XKR6: variants seen among roughly 807,000 people sequenced by gnomAD.
XKR6 encodes the protein XK-related protein 6.
A neutral mutation model predicts 56.7 loss-of-function variants in XKR6; 22 were observed. The ratio of observed to expected loss-of-function variants is 0.39; its 90% CI spans 0.28 to 0.55. The LOEUF (loss-of-function observed/expected upper bound fraction) is 0.55, where lower values mean the gene tolerates loss of function less well. XKR6 is among the 20% of genes least tolerant of loss of function. The probability of loss-of-function intolerance (pLI) is 0.66; values close to 1 mark genes in which losing one functional copy is unlikely to be tolerated. For synonymous variants in XKR6, 524 were observed against 387.8 expected, an observed-to-expected ratio of 1.35 and a Z score of -4.13; for missense variants, 852 against 889.0, an observed-to-expected ratio of 0.96 and a Z score of 0.53.
At chr8:10,999,349 T>C (rs1798188035) in intron 1 of XKR6, among the ~76,000 whole-genome samples, 1 of 152,262 alleles carries the variant, frequency 6.6e-6, no homozygotes, top group South Asian at 2.1e-4. Context: ...TAATATGGTG[T>C]TGAAAGAAAA....
At chr8:10,975,518 C>T (rs1253802443) in intron 1 of XKR6, among the ~76,000 whole-genome samples, 3 of 152,130 alleles carry the variant, frequency 2.0e-5, no homozygotes, top group East Asian at 1.9e-4. Context: ...CACCACCTGC[C>T]CTGGGCACAC....
At chr8:11,185,572 T>C (rs1370134385) in intron 1 of XKR6, among the ~76,000 whole-genome samples, 1 of 152,226 alleles carries the variant, frequency 6.6e-6, no homozygotes, top group East Asian at 1.9e-4. Context: ...CAGATGAGAA[T>C]CAGTAGTCAC....
rs551026966 is a variant in XKR6 at position 11,103,281 on chromosome 8, G to A, written c.764+97295C>T. On this transcript the variant is annotated intron_variant, in intron 1 of 2. Coordinates refer to ENST00000416569, the MANE Select transcript of XKR6 (RefSeq NM_173683.4). ...CACAGGAATTGCTTATGCTGGTAGT[G>A]TGAAAAGCAATGCTCCAACACCTGC... Among the ~76,000 whole-genome samples the A allele has an allele frequency of 1.4e-4, 21 of 152,310 alleles. 1 individual carries two copies. In the South Asian group the frequency reaches 4.4e-3, roughly 32 times the overall value.
At chr8:10,935,680 G>A (rs536023693) in intron 1 of XKR6, among the ~76,000 whole-genome samples, 17 of 151,566 alleles carry the variant, frequency 1.1e-4, no homozygotes, top group South Asian at 2.1e-4. Context: ...TCAGGAGCAC[G>A]TTGTTCAGTT....
intron 1 of XKR6, among the ~76,000 whole-genome samples, chr8:11,048,392 C>G (rs1468637118): frequency 6.6e-6 from 1 of 152,108 alleles, no homozygotes; most frequent in African/African-American, 2.4e-5. Flanking sequence ...GCCTTCTCTC[C>G]CCGCCCCGCC....
chr8:11,133,720 C>A (rs528527330), intron 1 of XKR6, among the ~76,000 whole-genome samples: 36 of 151,830 alleles, frequency 2.4e-4, no homozygotes, highest in Admixed American at 1.2e-3. Context: ...TGAAAATCCT[C>A]CATGTCCTCA....
intron 1 of XKR6, among the ~76,000 whole-genome samples, chr8:11,176,228 G>A (rs9329238): frequency 0.3 from 46,103 of 151,968 alleles, 7,676 homozygotes; most frequent in Non-Finnish European, 0.37. Context: ...TCCTCGAATT[G>A]GCCAACATAT....
At chr8:11,040,733 G>A (rs35365998) in intron 1 of XKR6, among the ~76,000 whole-genome samples, 1,719 of 152,178 alleles carry the variant, frequency 0.011, 19 homozygotes, top group Non-Finnish European at 0.016. Context: ...GCACCTTCAC[G>A]ACTGATCGCC....
chr8:11,059,269 C>G (rs142658277), intron 1 of XKR6, among the ~76,000 whole-genome samples: 419 of 152,166 alleles, frequency 2.8e-3, no homozygotes, highest in Middle Eastern at 0.017. Context: ...CAGCGCGGTC[C>G]TGGCGCCTCA....
chr8:10,907,760 C>G (rs1053181593), intron 2 of XKR6, among the ~76,000 whole-genome samples: 3 of 152,196 alleles, frequency 2.0e-5, no homozygotes, highest in Non-Finnish European at 2.9e-5. Flanking sequence ...TATGTCAGCC[C>G]TCTGATCACC....
intron 1 of XKR6, among the ~76,000 whole-genome samples, chr8:11,143,533 G>C (rs756406691): frequency 4.6e-5 from 7 of 152,212 alleles, no homozygotes; most frequent in Non-Finnish European, 1.0e-4. Flanking sequence ...GATACCTACA[G>C]ATTAGGAGAC....
At chr8:11,050,955 A>T (rs957536368) in intron 1 of XKR6, among the ~76,000 whole-genome samples, 2 of 152,040 alleles carry the variant, frequency 1.3e-5, no homozygotes, top group Non-Finnish European at 2.9e-5. Context: ...CTGACCTCAC[A>T]TCTCCTCCAG....
In XKR6 at chr8:11,200,348, C is replaced by G. The variant is rs1056071496; in HGVS notation, c.764+228G>C. Among the ~76,000 whole-genome samples, 7 of 152,210 alleles carry G rather than the reference C, an allele frequency of 4.6e-5. No individual in the cohort carries two copies. Among genetic ancestry groups the G allele is most frequent in the African/African-American group, 1.2e-4 (5 of 41,458 alleles). ...GGCAAGAGCCCCGCCGAGTGCGAAG[C>G]GGGGACGAGGACGGGCCAACGGCAG... is the stretch of plus-strand genomic sequence containing the variant. On this transcript the variant is annotated intron_variant, in intron 1 of 2. Coordinates refer to ENST00000416569, the MANE Select transcript of XKR6 (RefSeq NM_173683.4). The surrounding 1 kb of genome is among the most constrained non-coding windows in gnomAD (Gnocchi z 6.4).
chr8:11,034,482 G>A (rs1189387684), intron 1 of XKR6, among the ~76,000 whole-genome samples: 5 of 152,182 alleles, frequency 3.3e-5, no homozygotes, highest in Admixed American at 2.0e-4. Context: ...AAGGATGGGG[G>A]AGCCAGAGAA....
At chr8:11,024,181 T>G (rs1798808541) in intron 1 of XKR6, among the ~76,000 whole-genome samples, 1 of 151,178 alleles carries the variant, frequency 6.6e-6, no homozygotes, top group Non-Finnish European at 1.5e-5. Context: ...TTTGCCTTGT[T>G]GCAGACAACA....
intron 1 of XKR6, chr8:11,109,079 C>T (rs971916026): frequency 2.0e-5 from 3 of 152,170 alleles, no homozygotes; most frequent in African/African-American, 7.2e-5. Context: ...AGTGCAGTGA[C>T]CAAGAAGGTG....
intron 1 of XKR6, among the ~76,000 whole-genome samples, chr8:10,976,304 G>C (rs954152081): frequency 6.6e-6 from 1 of 152,170 alleles, no homozygotes; most frequent in Non-Finnish European, 1.5e-5. Flanking sequence ...CAAGACCCCA[G>C]CAGGGTCCTC....
Position 11,003,197 on chromosome 8 carries a change from G to A in XKR6, c.765-78367C>T, listed in dbSNP as rs565802756. On this transcript the variant is annotated intron_variant, in intron 1 of 2. Coordinates refer to ENST00000416569, the MANE Select transcript of XKR6 (RefSeq NM_173683.4). ...GTACTCTATGTCAGACACCAAGGAG[G>A]CACAGATGAAGCTGCACACCACCTG... Among the ~76,000 whole-genome samples, 3 of 152,256 alleles carry A rather than the reference G, an allele frequency of 2.0e-5. No homozygotes were observed. In the South Asian group the frequency reaches 6.2e-4, roughly 32 times the overall value.
chr8:10,903,382 C>T (rs1353062901), intron 2 of XKR6, among the ~76,000 whole-genome samples: 5 of 152,172 alleles, frequency 3.3e-5, no homozygotes, highest in Admixed American at 3.3e-4. Flanking sequence ...AGAAGATGCA[C>T]TTCTTGCTCT....
Sources: gnomAD v4.1 joint callset for allele counts (sites outside exome capture counted in the v4.1 genomes callset) on GRCh38, gnomAD v4.1.1 for gene constraint, Gnocchi (gnomAD v3.1) non-coding constraint, MANE v1.5 for transcripts, NCBI Gene and HGNC (gene_info 2026-07-23, HGNC 2026-07-21) for gene names.